MSTO1: variants seen among roughly 807,000 people sequenced by gnomAD.
MSTO1 encodes misato mitochondrial distribution and morphology regulator 1, also known as protein misato homolog 1.
In MSTO1, 24 loss-of-function variants were observed where a neutral mutation model predicts 55.7. The observed-to-expected ratio is 0.43, with a 90% CI of 0.31 to 0.61. The LOEUF is 0.61. MSTO1 is among the 20% of genes least tolerant of loss of function. MSTO1 has a pLI of 0.09. For synonymous variants in MSTO1, 162 were observed against 252.8 expected (o/e 0.64, Z 3.41); for missense variants, 363 against 625.7 (o/e 0.58, Z 4.48).
chr1:155,595,411 C>T, the MSTO1 span, among the ~76,000 whole-genome samples: 1 of 151,822 alleles, frequency 6.6e-6, no homozygotes, highest in Admixed American at 6.6e-5. Context: ...ATCTCCTGAC[C>T]TCGTGATCTG....
the MSTO1 span, chr1:155,590,643 G>A: frequency 7.1e-7 from 1 of 1,409,062 alleles, no homozygotes; most frequent in African/African-American, 1.5e-5. Flanking sequence ...TCCCCCGAGA[G>A]ATGGCAGGGG....
chr1:155,564,452 C>A, the MSTO1 span, among the ~76,000 whole-genome samples: 2 of 152,114 alleles, frequency 1.3e-5, no homozygotes, highest in Non-Finnish European at 2.9e-5. Context: ...CGAGATGGTG[C>A]CATTGCACTC....
chr1:155,583,222 C>CT, the MSTO1 span, among the ~76,000 whole-genome samples: 1,491 of 133,902 alleles, frequency 0.011, 14 homozygotes, highest in African/African-American at 0.022. Flanking sequence ...GAAGGTATAT[C>CT]TTTTTTTTTT....
At chr1:155,593,182 G>A in the MSTO1 span, among the ~76,000 whole-genome samples, 1 of 152,146 alleles carries the variant, frequency 6.6e-6, no homozygotes, top group African/African-American at 2.4e-5. Context: ...CCAAAGTGCT[G>A]GGATTACAGG....
chr1:155,578,391 C>T, the MSTO1 span, among the ~76,000 whole-genome samples: 1 of 135,522 alleles, frequency 7.4e-6, no homozygotes, highest in African/African-American at 2.8e-5. Flanking sequence ...CTGTCACCCA[C>T]ACTGGCGTGC....
chr1:155,580,224 C>CT, the MSTO1 span, among the ~76,000 whole-genome samples: 2 of 147,112 alleles, frequency 1.4e-5, no homozygotes, highest in Admixed American at 1.4e-4. Flanking sequence ...GACCCTGACT[C>CT]TAAGAAAAAA....
chr1:155,579,801 C>T, the MSTO1 span, among the ~76,000 whole-genome samples: 3 of 151,944 alleles, frequency 2.0e-5, no homozygotes, highest in Non-Finnish European at 4.4e-5. Context: ...TAATCTTAAG[C>T]ATCTGTGGTT....
At chr1:155,567,992 T>G in the MSTO1 span, among the ~76,000 whole-genome samples, 5 of 151,650 alleles carry the variant, frequency 3.3e-5, no homozygotes. Flanking sequence ...GAGCGGAGAT[T>G]GCACCATTAC....
chr1:155,568,025 C>T, the MSTO1 span, among the ~76,000 whole-genome samples: 3 of 150,610 alleles, frequency 2.0e-5, no homozygotes, highest in Non-Finnish European at 3.0e-5. Context: ...GCAACAAGAG[C>T]GAAACCCTGT....
chr1:155,595,441 G>C, the MSTO1 span, among the ~76,000 whole-genome samples: 1 of 150,876 alleles, frequency 6.6e-6, no homozygotes, highest in Non-Finnish European at 1.5e-5. Flanking sequence ...GCCTCCCAAA[G>C]TGCTGGGATT....
the MSTO1 span, among the ~76,000 whole-genome samples, chr1:155,574,153 T>G: frequency 4.6e-5 from 7 of 151,690 alleles, no homozygotes; most frequent in African/African-American, 1.7e-4. Flanking sequence ...AGCCCAGGAG[T>G]TGAAGACCAG....
upstream of MSTO1, among the ~76,000 whole-genome samples, chr1:155,606,821 C>G (rs1672943564): frequency 6.6e-6 from 1 of 151,182 alleles, no homozygotes; most frequent in African/African-American, 2.4e-5. Context: ...GCAGCCGGCC[C>G]AGATCCAATA....
upstream of MSTO1, among the ~76,000 whole-genome samples, chr1:155,609,523 C>T (rs1230326784): frequency 3.9e-5 from 6 of 152,086 alleles, no homozygotes; most frequent in Admixed American, 6.5e-5. Context: ...GCTGGGATTA[C>T]AGGCGTGAAC....
the MSTO1 span, chr1:155,591,332 T>C: frequency 8.5e-7 from 1 of 1,171,840 alleles, no homozygotes; most frequent in Non-Finnish European, 1.2e-6. Context: ...CACTTAATAT[T>C]AACCATCACG....
chr1:155,587,347 G>A, the MSTO1 span, among the ~76,000 whole-genome samples: 1 of 150,356 alleles, frequency 6.7e-6, no homozygotes, highest in African/African-American at 2.4e-5. Flanking sequence ...GGCTGAAGCA[G>A]GAGAATCCGT....
chr1:155,583,837 G>A, the MSTO1 span, among the ~76,000 whole-genome samples: 3 of 152,140 alleles, frequency 2.0e-5, no homozygotes, highest in Non-Finnish European at 4.4e-5. Context: ...TCTTCCAGTA[G>A]TGGTTGTGCC....
At chr1:155,604,921 A>T in the MSTO1 span, among the ~76,000 whole-genome samples, 2 of 151,912 alleles carry the variant, frequency 1.3e-5, no homozygotes, top group Non-Finnish European at 2.9e-5. Context: ...ATTGATAAAA[A>T]CTGATTTACT....
intron 13 of MSTO1, 126 bp from the exon 14 acceptor site, chr1:155,613,933 A>T (rs1403782165): frequency 3.6e-6 from 3 of 831,926 alleles, no homozygotes; most frequent in Non-Finnish European, 5.7e-6. Flanking sequence ...TACTAAGGGG[A>T]CAATACACCA....
At chr1:155,584,227 C>G in the MSTO1 span, among the ~76,000 whole-genome samples, 788 of 152,156 alleles carry the variant, frequency 5.2e-3, 6 homozygotes, top group African/African-American at 0.011. Context: ...GGTACTGTGG[C>G]TTGCACCTGT....
Sources: gnomAD v4.1 joint callset for allele counts (sites outside exome capture counted in the v4.1 genomes callset) on GRCh38, gnomAD v4.1.1 for gene constraint, MANE v1.5 for transcripts, NCBI Gene and HGNC (gene_info 2026-07-23, HGNC 2026-07-21) for gene names.